The following AGAP3 variants were observed in gnomAD, a reference collection of about 807,000 sequenced individuals.
The protein encoded by AGAP3 is arf-GAP with GTPase, ANK repeat and PH domain-containing protein 3.
Under a neutral mutation model 96.9 loss-of-function variants are expected in AGAP3, and 24 were observed. That is an observed-to-expected ratio of 0.25 (90% CI 0.18 to 0.35). The LOEUF (loss-of-function observed/expected upper bound fraction) is 0.35. AGAP3 is among the 10% of genes least tolerant of loss of function. The probability of loss-of-function intolerance (pLI) is 1.00; values close to 1 mark genes in which losing one functional copy is unlikely to be tolerated. For missense variants in AGAP3, 876 were observed against 1,254.2 expected (o/e 0.70, Z 4.55); for synonymous variants, 563 against 536.1 (o/e 1.05, Z -0.69).
At chr7:151,089,451 C>G (rs922125537) in intron 1 of AGAP3, among the ~76,000 whole-genome samples, 1 of 152,126 alleles carries the variant, frequency 6.6e-6, no homozygotes, top group Non-Finnish European at 1.5e-5. Flanking sequence ...CTAAGCCTCT[C>G]GGTGGAAAGG....
intron 11 of AGAP3, among the ~76,000 whole-genome samples, chr7:151,137,269 T>TTC (rs1298169549): frequency 1.3e-5 from 2 of 152,214 alleles, no homozygotes; most frequent in Non-Finnish European, 2.9e-5. Context: ...TCCGGGCCCC[T>TTC]TCTCTGCTTT....
intron 1 of AGAP3, among the ~76,000 whole-genome samples, chr7:151,088,528 A>G (rs1290866649): frequency 3.9e-5 from 6 of 152,186 alleles, no homozygotes; most frequent in Non-Finnish European, 5.9e-5. Flanking sequence ...CGGGAGAGAC[A>G]TCGTTGCTGC....
intron 9 of AGAP3, among the ~76,000 whole-genome samples, chr7:151,126,366 A>G (rs546699325): frequency 0.048 from 1,759 of 36,490 alleles, 33 homozygotes; most frequent in African/African-American, 0.19. Flanking sequence ...GGAGCAGAGC[A>G]GAGCGGAGCG....
intron 11 of AGAP3, among the ~76,000 whole-genome samples, chr7:151,136,897 G>A (rs943125408): frequency 3.3e-5 from 5 of 152,218 alleles, no homozygotes; most frequent in Non-Finnish European, 7.3e-5. Context: ...GGCAGAGGAC[G>A]GGAGGTGGGT....
rs1799723181 is a variant in AGAP3 at position 151,118,812 on chromosome 7, C to T, written c.969+180C>T. 6.6e-6 allele frequency among the ~76,000 whole-genome samples: 1 copy of T among 152,208 alleles called. No individual in the cohort carries two copies. The highest frequency in any genetic ancestry group is 2.4e-5 in the African/African-American group (1 of 41,456). Reference sequence around the variant, plus strand: ...CATTTAGCCGGCACCGTAGCCTTGGCCTCATCCCTGCCCCACGGTGCCTGC... The same window carrying T: ...CATTTAGCCGGCACCGTAGCCTTGGTCTCATCCCTGCCCCACGGTGCCTGC... On this transcript the variant is annotated intron_variant, in intron 7 of 17. Transcript: ENST00000397238. The surrounding 1 kb of genome is among the most constrained non-coding windows in gnomAD (Gnocchi z 6.1).
intron 8 of AGAP3, chr7:151,122,970 TGGGGGCTGCC>T: frequency 7.0e-7 from 1 of 1,428,278 alleles, no homozygotes; most frequent in Non-Finnish European, 9.1e-7. Flanking sequence ...GAGCCCGCGC[TGGGGGCTGCC>T]GGGGACCAGG....
At position 151,123,851 on chromosome 7, in the gene AGAP3, A is replaced by G; in HGVS notation, c.1186A>G (p.Ser396Gly). ...EKKAAECKVD[S>G]IGSGRAIPIK... Reference sequence around the variant, plus strand: ...GAAGGCTGCCGAGTGCAAGGTGGACAGCATCGGGAGCGGCCGCGCCATCCC... The same window carrying G: ...GAAGGCTGCCGAGTGCAAGGTGGACGGCATCGGGAGCGGCCGCGCCATCCC... Residue 396 changes from serine to glycine, a missense_variant, in exon 9 of 18, where the codon AGC (serine) becomes GGC (glycine). This residue lies in a region of AGAP3 where 49 missense variants were observed against 41.7 expected (regional missense o/e 1.17). Coordinates refer to ENST00000397238, the MANE Select transcript of AGAP3 (RefSeq NM_031946.7). 1 of 1,611,674 alleles carries G rather than the reference A, an allele frequency of 6.2e-7. No homozygotes were observed. The highest frequency in any genetic ancestry group is 8.5e-7 in the Non-Finnish European group (1 of 1,179,920).
intron 1 of AGAP3, among the ~76,000 whole-genome samples, chr7:151,112,400 T>C (rs1044380275): frequency 7.9e-5 from 8 of 100,856 alleles, no homozygotes; most frequent in African/African-American, 2.3e-4. Context: ...CCGAGACGTG[T>C]GTGTGTGTGT....
At position 151,143,500 on chromosome 7, in the gene AGAP3, G is replaced by A. The variant is rs1220932345; in HGVS notation, c.2433G>A (p.Glu811=). The change falls in exon 17 of 18, where the codon GAG becomes GAA. Residue 811 remains glutamate, a synonymous_variant. Coordinates refer to ENST00000397238, the MANE Select transcript of AGAP3 (RefSeq NM_031946.7). The surrounding 1 kb of genome is among the most constrained non-coding windows in gnomAD (Gnocchi z 5.9). ...TGCTCCTGGCACATGGCTCCAAAGA[G>A]GAGGTGAATGAGACCTATGGGGACG... ...LVMLLAHGSK[E]EVNETYGDGD... The A allele has an allele frequency of 1.2e-6, 2 of 1,614,124 alleles. No homozygotes were observed. Among genetic ancestry groups the A allele is most frequent in the Admixed American group, 1.7e-5 (1 of 60,010 alleles).
intron 9 of AGAP3, among the ~76,000 whole-genome samples, chr7:151,126,358 AG>A (rs1390003778): frequency 1.1e-4 from 1 of 9,006 alleles, no homozygotes; most frequent in Non-Finnish European, 1.7e-4. Context: ...AGCAGAGCGG[AG>A]CAGAGCAGAG....
chr7:151,093,770 AG>A (rs1321363242), intron 1 of AGAP3, among the ~76,000 whole-genome samples: 1 of 152,224 alleles, frequency 6.6e-6, no homozygotes, highest in Non-Finnish European at 1.5e-5. Flanking sequence ...GCTGGGAGTC[AG>A]GATACCTGGG....
At chr7:151,136,612 G>A (rs571408393) in intron 11 of AGAP3, 5 of 152,302 alleles carry the variant, frequency 3.3e-5, no homozygotes, top group Admixed American at 1.3e-4. Context: ...CATCAAATTC[G>A]ACAATTACAG....
At chr7:151,099,252 A>C (rs1278894740) in intron 1 of AGAP3, among the ~76,000 whole-genome samples, 1 of 151,234 alleles carries the variant, frequency 6.6e-6, no homozygotes, top group Non-Finnish European at 1.5e-5. Flanking sequence ...CTGAGGCAGG[A>C]GAATGGTGTG....
At chr7:151,089,452 G>C (rs1003431917) in intron 1 of AGAP3, among the ~76,000 whole-genome samples, 2 of 152,144 alleles carry the variant, frequency 1.3e-5, no homozygotes, top group African/African-American at 2.4e-5. Flanking sequence ...TAAGCCTCTC[G>C]GTGGAAAGGG....
chr7:151,134,146 G>A (rs551602666), intron 10 of AGAP3, among the ~76,000 whole-genome samples: 124 of 152,268 alleles, frequency 8.1e-4, no homozygotes, highest in Non-Finnish European at 1.5e-3. Context: ...GAGCCTCAGC[G>A]CTTAGCTCCA....
intron 1 of AGAP3, among the ~76,000 whole-genome samples, chr7:151,100,440 G>A (rs572470886): frequency 6.6e-6 from 1 of 152,352 alleles, no homozygotes; most frequent in African/African-American, 2.4e-5. Context: ...CACATGGGAA[G>A]GCTGCTGTCT....
intron 10 of AGAP3, among the ~76,000 whole-genome samples, chr7:151,132,293 G>T (rs1800432592): frequency 6.6e-6 from 1 of 152,226 alleles, no homozygotes; most frequent in African/African-American, 2.4e-5. Flanking sequence ...GCCTGGGTGG[G>T]AGGCTGCTCA....
At position 151,133,620 on chromosome 7, in the gene AGAP3, C is replaced by T. The variant is rs924784657; in HGVS notation, c.1327-780C>T. Among the ~76,000 whole-genome samples, 2 of 152,196 alleles carry T rather than the reference C, an allele frequency of 1.3e-5. No individual in the cohort carries two copies. Among genetic ancestry groups the T allele is most frequent in the African/African-American group, 4.8e-5 (2 of 41,450 alleles). On this transcript the variant is annotated intron_variant, in intron 10 of 17. Transcript: ENST00000397238. This position sits in a 1 kb window ranked among gnomAD's most constrained non-coding sequence, Gnocchi z 5.4. ...AAACCTTGGCTTGAATCTGACTCTG[C>T]TACCATTTAATCGTGTGTTCCTGGG... is the stretch of plus-strand genomic sequence containing the variant.
In AGAP3 at chr7:151,131,995, G is replaced by A. The variant is rs138075133; in HGVS notation, c.1327-2405G>A. On this transcript the variant is annotated intron_variant, in intron 10 of 17. Coordinates refer to ENST00000397238, the MANE Select transcript of AGAP3 (RefSeq NM_031946.7). The stretch of plus-strand genomic sequence containing the variant: ...GATCTAAGATGTGATTGTGTACAGG[G>A]ACTGCCGACGGGGACCAGGGACGGG... Among the ~76,000 whole-genome samples, 14 of 152,342 alleles carry A rather than the reference G, an allele frequency of 9.2e-5. 1 individual carries two copies. The East Asian group carries it at 2.3e-3, about 25-fold the overall frequency.
Sources: allele counts gnomAD v4.1 joint callset (sites outside exome capture counted in the v4.1 genomes callset), GRCh38; gene constraint gnomAD v4.1.1; regional missense constraint gnomAD v4.1.1; non-coding constraint Gnocchi (gnomAD v3.1); transcripts MANE v1.5; gene names NCBI Gene and HGNC (gene_info 2026-07-23, HGNC 2026-07-21).